The following LAMC1 variants were observed in gnomAD, a reference collection of about 807,000 sequenced individuals.
LAMC1 encodes laminin subunit gamma 1.
Under a neutral mutation model 173.6 loss-of-function variants are expected in LAMC1, and 38 were observed. The observed-to-expected ratio is 0.22, with a 90% confidence interval of 0.17 to 0.29. The LOEUF is 0.29. Among genes scored for constraint, LAMC1 ranks in the 10% least tolerant of loss-of-function variants. The probability of loss-of-function intolerance (pLI) is 1.00; values close to 1 mark genes in which losing one functional copy is unlikely to be tolerated. For missense variants in LAMC1, 1,824 were observed against 2,051.8 expected (o/e 0.89, Z 2.14); for synonymous variants, 746 against 749.1 (o/e 1.00, Z 0.07).
intron 2 of LAMC1, among the ~76,000 whole-genome samples, chr1:183,106,677 C>G (rs1448063821): frequency 6.6e-6 from 1 of 152,064 alleles, no homozygotes; most frequent in Non-Finnish European, 1.5e-5. Context: ...AATACACCAC[C>G]CCAAAACCTA....
intron 2 of LAMC1, 23 bp downstream of exon 2, chr1:183,103,655 G>GA (rs757762929): frequency 6.6e-6 from 10 of 1,522,260 alleles, no homozygotes; most frequent in Non-Finnish European, 8.8e-6. Flanking sequence ...AGGTTGGCCT[G>GA]AAGCCAGCTA....
At chr1:183,045,013 A>G (rs12144261) in intron 1 of LAMC1, among the ~76,000 whole-genome samples, 50,371 of 151,604 alleles carry the variant, frequency 0.33, 9,572 homozygotes, top group East Asian at 0.49. Flanking sequence ...CATTCTTAAT[A>G]CTGATTTCCA....
chr1:183,072,701 C>G (rs1023824655), intron 1 of LAMC1, among the ~76,000 whole-genome samples: 12 of 152,186 alleles, frequency 7.9e-5, no homozygotes, highest in Admixed American at 7.9e-4. Flanking sequence ...GGCAAGCGAG[C>G]GAAGCTTTAT....
At chr1:183,121,499 G>A (rs1342111334) in intron 11 of LAMC1, among the ~76,000 whole-genome samples, 1 of 151,482 alleles carries the variant, frequency 6.6e-6, no homozygotes, top group Non-Finnish European at 1.5e-5. Flanking sequence ...CACCACTCCA[G>A]ATACTTAGCA....
At chr1:183,050,107 T>C (rs1450916167) in intron 1 of LAMC1, among the ~76,000 whole-genome samples, 5 of 152,158 alleles carry the variant, frequency 3.3e-5, no homozygotes, top group South Asian at 2.1e-4. Context: ...TTGGTTATAT[T>C]GTGTACTCTC....
chr1:183,102,208 C>T (rs1655855105), intron 1 of LAMC1, among the ~76,000 whole-genome samples: 1 of 152,176 alleles, frequency 6.6e-6, no homozygotes, highest in Non-Finnish European at 1.5e-5. Flanking sequence ...GTGAAAGTGG[C>T]AGAAGTCTCT....
Position 183,110,594 on chromosome 1 carries a change from C to T in LAMC1, c.961C>T (p.Pro321Ser), listed in dbSNP as rs142614579. ...TYGVDCEKCL[P>S]FFNDRPWRRA... ...TGGAGTAGACTGTGAAAAGTGTCTT[C>T]CTTTCTTCAATGACCGGCCGTGGAG... The change falls in exon 4 of 28, where the codon CCT becomes TCT. Residue 321 changes from proline (P) to serine (S), a missense_variant. Pro to Ser is a moderately conservative substitution (Grantham distance 74). Coordinates refer to ENST00000258341, the MANE Select transcript of LAMC1 (RefSeq NM_002293.4). The T allele has an allele frequency of 8.9e-4, 1,439 of 1,614,048 alleles. 2 individuals carry two copies. The highest frequency in any genetic ancestry group is 1.1e-3 in the Non-Finnish European group (1,264 of 1,179,958).
Position 183,130,637 on chromosome 1 carries a change from A to C in LAMC1, c.3486+88A>C, listed in dbSNP as rs192261659. The C allele has an allele frequency of 6.2e-5, 60 of 972,582 alleles. No homozygotes were observed. The Middle Eastern group carries it at 7.8e-4, about 13-fold the overall frequency. 60.2% of individuals were successfully genotyped at this position (972,582 alleles called of 1,614,324 possible). A position where few individuals can be genotyped will look rare whatever the true frequency, so the allele number is the denominator to read the frequency against. Reference sequence around the variant, plus strand: ...GTTACTGGCAGTGGAGTGCTTCTTCAACTAAATTGACTCCATGCATCTTTT... The same window carrying C: ...GTTACTGGCAGTGGAGTGCTTCTTCCACTAAATTGACTCCATGCATCTTTT... On this transcript the variant is annotated intron_variant, in intron 19 of 27. Coordinates refer to ENST00000258341, the MANE Select transcript of LAMC1 (RefSeq NM_002293.4).
intron 26 of LAMC1, chr1:183,138,220 TATAA>T: frequency 1.0e-6 from 1 of 975,746 alleles, no homozygotes; most frequent in Non-Finnish European, 1.2e-6. Context: ...GTTTCTTGTA[TATAA>T]GAAATTTTTG....
chr1:183,038,224 TGG>T (rs1654034304), intron 1 of LAMC1, among the ~76,000 whole-genome samples: 1 of 152,020 alleles, frequency 6.6e-6, no homozygotes, highest in Non-Finnish European at 1.5e-5. Flanking sequence ...TTAATAAAGA[TGG>T]GGTTCTACCA....
At chr1:183,106,513 A>G (rs1354830668) in intron 2 of LAMC1, among the ~76,000 whole-genome samples, 1 of 152,166 alleles carries the variant, frequency 6.6e-6, no homozygotes, top group Non-Finnish European at 1.5e-5. Context: ...GTGGTTCCAA[A>G]TCAGAGCTGT....
chr1:183,139,545 G>T (rs1262755183), intron 26 of LAMC1, among the ~76,000 whole-genome samples: 1 of 152,172 alleles, frequency 6.6e-6, no homozygotes, highest in African/African-American at 2.4e-5. Flanking sequence ...ATTTATTTGT[G>T]AAGGTTTTTT....
intron 2 of LAMC1, 26 bp from the exon 3 acceptor site, chr1:183,108,250 A>C: frequency 5.6e-6 from 9 of 1,607,130 alleles, no homozygotes; most frequent in Non-Finnish European, 7.7e-6. Context: ...CTTCTCTTTT[A>C]TGTTTCTATT....
intron 26 of LAMC1, 111 bp from the exon 27 acceptor site, chr1:183,140,290 AGTT>A: frequency 5.6e-6 from 2 of 359,072 alleles, no homozygotes; most frequent in Non-Finnish European, 9.8e-6. Flanking sequence ...CAATTTCCTA[AGTT>A]AGAAAAGGGA....
At chr1:183,103,237 C>G (rs565186509) in intron 1 of LAMC1, 91 bp from the exon 2 acceptor site, 1 of 1,200,736 alleles carries the variant, frequency 8.3e-7, no homozygotes, top group East Asian at 2.3e-5. Context: ...AGATTTATAT[C>G]CTTTGTCAAG....
At chr1:183,036,712 T>G (rs1458196671) in intron 1 of LAMC1, among the ~76,000 whole-genome samples, 3 of 151,962 alleles carry the variant, frequency 2.0e-5, no homozygotes, top group African/African-American at 7.2e-5. Context: ...TTTAACTGGA[T>G]CCTCTGTAAA....
At chr1:183,093,295 A>G (rs527284947) in intron 1 of LAMC1, among the ~76,000 whole-genome samples, 14 of 152,330 alleles carry the variant, frequency 9.2e-5, no homozygotes, top group African/African-American at 3.4e-4. Flanking sequence ...TGCCAAATCC[A>G]GTAGCCAATG....
chr1:183,125,313 TA>T, intron 14 of LAMC1, 83 bp from the exon 15 acceptor site: 1 of 1,486,242 alleles, frequency 6.7e-7, no homozygotes, highest in Non-Finnish European at 9.4e-7. Flanking sequence ...AACACAGGTC[TA>T]AAGAATCTCT....
Position 183,134,697 on chromosome 1 carries a change from T to G in LAMC1, c.3887T>G (p.Leu1296Arg), listed in dbSNP as rs767374631. 2.5e-6 allele frequency: 4 copies of G among 1,612,892 alleles called. No homozygotes were observed. Among genetic ancestry groups the G allele is most frequent in the Non-Finnish European group, 3.4e-6 (4 of 1,179,438 alleles). ...ANNIKMEAEN[L>R]EQLIDQKLKD... is the part of the protein sequence containing the mutation. ...AACATAAAGATGGAAGCTGAGAATC[T>G]GGAACAACTGATTGACCAGAAATTA... The change falls in exon 23 of 28, where the codon CTG (leucine) becomes CGG (arginine). Residue 1296 changes from leucine (L) to arginine (R), a missense_variant. Physicochemically the swap from Leu to Arg is moderately radical, Grantham distance 102 (BLOSUM62 -2). Coordinates refer to ENST00000258341, the MANE Select transcript of LAMC1 (RefSeq NM_002293.4).
Sources: gnomAD v4.1 joint callset for allele counts (sites outside exome capture counted in the v4.1 genomes callset) on GRCh38, gnomAD v4.1.1 for gene constraint, MANE v1.5 for transcripts, NCBI Gene and HGNC (gene_info 2026-07-23, HGNC 2026-07-21) for gene names.